Variants in NMNAT2 observed in about 807,000 individuals in gnomAD.
The protein encoded by NMNAT2 is nicotinamide/nicotinic acid mononucleotide adenylyltransferase 2.
NMNAT2 carries 11 observed loss-of-function variants against 41.6 expected under a neutral mutation model. The ratio of observed to expected loss-of-function variants is 0.26; its 90% CI spans 0.17 to 0.44. The LOEUF (loss-of-function observed/expected upper bound fraction) is 0.44. Among genes scored for constraint, NMNAT2 ranks in the 20% least tolerant of loss-of-function variants. The pLI is 1.00. For synonymous variants in NMNAT2, 148 were observed against 151.2 expected, an observed-to-expected ratio of 0.98 and a Z score of 0.16; for missense variants, 288 against 407.7, an observed-to-expected ratio of 0.71 and a Z score of 2.53.
At chr1:183,412,552 A>C (rs148710164) in intron 1 of NMNAT2, among the ~76,000 whole-genome samples, 2 of 152,356 alleles carry the variant, frequency 1.3e-5, no homozygotes, top group Admixed American at 6.5e-5. Flanking sequence ...TTTGTTAAGA[A>C]ATGAGTGTTG....
At chr1:183,325,815 A>G (rs1378851832) in intron 1 of NMNAT2, among the ~76,000 whole-genome samples, 1 of 152,196 alleles carries the variant, frequency 6.6e-6, no homozygotes, top group African/African-American at 2.4e-5. Context: ...ACATAGTACA[A>G]TTCGTTGCAC....
intron 1 of NMNAT2, among the ~76,000 whole-genome samples, chr1:183,352,318 C>T (rs1198353906): frequency 2.6e-5 from 4 of 152,126 alleles, no homozygotes; most frequent in Non-Finnish European, 1.5e-5. Flanking sequence ...AATCCCAGCA[C>T]TTAGGGAGGC....
intron 1 of NMNAT2, among the ~76,000 whole-genome samples, chr1:183,342,730 T>C (rs1174297919): frequency 6.6e-6 from 1 of 152,034 alleles, no homozygotes; most frequent in Non-Finnish European, 1.5e-5. Flanking sequence ...AACTCATTTT[T>C]AATTTAATTT....
At chr1:183,350,720 A>G (rs772220472) in intron 1 of NMNAT2, among the ~76,000 whole-genome samples, 1 of 152,250 alleles carries the variant, frequency 6.6e-6, no homozygotes, top group Non-Finnish European at 1.5e-5. Context: ...AATAATTTCC[A>G]TTTGTTGTAT....
chr1:183,351,641 T>C (rs908444756), intron 1 of NMNAT2, among the ~76,000 whole-genome samples: 9 of 152,206 alleles, frequency 5.9e-5, no homozygotes, highest in Non-Finnish European at 1.2e-4. Context: ...GGGTCTTTGT[T>C]GAAAGGACTG....
intron 1 of NMNAT2, among the ~76,000 whole-genome samples, chr1:183,359,527 A>G (rs1443501891): frequency 2.0e-5 from 3 of 152,180 alleles, no homozygotes; most frequent in African/African-American, 7.2e-5. Context: ...ATCACTTTAT[A>G]ACTTGAACCA....
rs1557883685 is a variant in NMNAT2 at position 183,341,735 on chromosome 1, A to ACAAAAAAAAAACAAAAAC, written c.86-47943_86-47942insGTTTTTGTTTTTTTTTTG. Among the ~76,000 whole-genome samples the ACAAAAAAAAAACAAAAAC allele has an allele frequency of 2.1e-4, 30 of 140,674 alleles. 1 individual carries two copies. Among genetic ancestry groups the ACAAAAAAAAAACAAAAAC allele is most frequent in the African/African-American group, 7.8e-4 (30 of 38,426 alleles). 92.3% of individuals were successfully genotyped at this position (140,674 alleles called of 152,430 possible). On this transcript the variant is annotated intron_variant, in intron 1 of 10. Transcript: ENST00000287713. Reference sequence around the variant, plus strand: ...CAAACAAACAAACACCAAAAAAAAAAAAAAAAAAAAAACCTGTTTCCTTCA... The same window carrying ACAAAAAAAAAACAAAAAC: ...CAAACAAACAAACACCAAAAAAAAAACAAAAAAAAAACAAAAACAAAAAAAAAAAACCTGTTTCCTTCA...
At chr1:183,278,226 C>A (rs1385041594) in intron 8 of NMNAT2, among the ~76,000 whole-genome samples, 1 of 152,184 alleles carries the variant, frequency 6.6e-6, no homozygotes, top group East Asian at 1.9e-4. Flanking sequence ...ACACAATAAT[C>A]TTAAAAGGGC....
At chr1:183,320,593 C>T (rs936602763) in intron 1 of NMNAT2, among the ~76,000 whole-genome samples, 37 of 152,290 alleles carry the variant, frequency 2.4e-4, no homozygotes, top group South Asian at 6.2e-4. Flanking sequence ...CAGAGCGAGA[C>T]TCCATCTCAA....
chr1:183,321,168 A>C (rs1662349484), intron 1 of NMNAT2, among the ~76,000 whole-genome samples: 1 of 152,210 alleles, frequency 6.6e-6, no homozygotes, highest in Non-Finnish European at 1.5e-5. Context: ...CCTTCGTCCC[A>C]CCAGACGGAA....
At chr1:183,320,475 G>A (rs1040766766) in intron 1 of NMNAT2, among the ~76,000 whole-genome samples, 2 of 152,102 alleles carry the variant, frequency 1.3e-5, no homozygotes, top group East Asian at 1.9e-4. Flanking sequence ...GTGTGGTGGC[G>A]GGTGCCTGTA....
intron 1 of NMNAT2, among the ~76,000 whole-genome samples, chr1:183,389,740 GAAAGAAAGAAAGAAA>G (rs1557897449): frequency 9.5e-4 from 6 of 6,306 alleles, no homozygotes; most frequent in Non-Finnish European, 1.5e-3. Context: ...TGTCAAAAAA[GAAAGAAAGAAAGAAA>G]GAAAGAAAGA....
chr1:183,391,326 T>C (rs527618582), intron 1 of NMNAT2, among the ~76,000 whole-genome samples: 122 of 152,306 alleles, frequency 8.0e-4, no homozygotes, highest in African/African-American at 2.9e-3. Flanking sequence ...CTGTATTCTC[T>C]ACTCTTCTAC....
At chr1:183,291,715 A>C (rs373900547) in intron 3 of NMNAT2, among the ~76,000 whole-genome samples, 1 of 152,138 alleles carries the variant, frequency 6.6e-6, no homozygotes, top group East Asian at 1.9e-4. Flanking sequence ...GAAGATCAGG[A>C]CTTACAATGT....
In NMNAT2 at chr1:183,286,672, C is replaced by G; in HGVS notation, c.438G>C (p.Lys146Asn). The change falls in exon 5 of 11, where the codon AAG becomes AAC. Residue 146 changes from lysine (K) to asparagine (N), a missense_variant. Lys to Asn is a moderately conservative substitution (Grantham distance 94). This residue lies in a region of NMNAT2 where 181 missense variants were observed against 213.7 expected (regional missense o/e 0.85). Transcript: ENST00000287713. ...PIYQNSNVAT[K>N]PTAAKILGKV... is the part of the protein sequence containing the mutation. ...TCAGTGTTCCCCTACCTGCAGTGGG[C>G]TTGGTGGCCACGTTGCTGTTCTGGT... 6.2e-7 allele frequency: 1 copy of G among 1,609,322 alleles called. No homozygotes were observed. The highest frequency in any genetic ancestry group is 1.1e-5 in the South Asian group (1 of 89,838).
At chr1:183,320,570 C>T (rs1304178161) in intron 1 of NMNAT2, among the ~76,000 whole-genome samples, 3 of 152,168 alleles carry the variant, frequency 2.0e-5, no homozygotes, top group Non-Finnish European at 4.4e-5. Context: ...CAACTGCACT[C>T]CAGCCTGGGC....
At chr1:183,403,334 A>C (rs1315837425) in intron 1 of NMNAT2, among the ~76,000 whole-genome samples, 1 of 152,246 alleles carries the variant, frequency 6.6e-6, no homozygotes. Flanking sequence ...AAAAATGTTT[A>C]ATCGCAATAG....
At chr1:183,321,469 G>C (rs570947923) in intron 1 of NMNAT2, among the ~76,000 whole-genome samples, 2 of 152,138 alleles carry the variant, frequency 1.3e-5, no homozygotes, top group Non-Finnish European at 2.9e-5. Flanking sequence ...GGCCAGGCGC[G>C]GTGGCTCACA....
intron 8 of NMNAT2, among the ~76,000 whole-genome samples, chr1:183,263,330 C>G (rs1192961715): frequency 6.6e-6 from 1 of 152,200 alleles, no homozygotes; most frequent in Non-Finnish European, 1.5e-5. Flanking sequence ...GACACCAAAT[C>G]TCTTGTCTTA....
Sources: allele counts gnomAD v4.1 joint callset (sites outside exome capture counted in the v4.1 genomes callset), GRCh38; gene constraint gnomAD v4.1.1; regional missense constraint gnomAD v4.1.1; transcripts MANE v1.5; gene names NCBI Gene and HGNC (gene_info 2026-07-23, HGNC 2026-07-21).